Variants in PTGR2 observed in about 807,000 individuals in gnomAD.
PTGR2 encodes the protein 15-oxoprostaglandin 13-reductase.
A neutral mutation model predicts 43.4 loss-of-function variants in PTGR2; 32 were observed. The observed-to-expected ratio is 0.74, with a 90% CI of 0.56 to 0.99. The LOEUF is 0.99. Among genes scored for constraint, PTGR2 ranks in the 50% least tolerant of loss-of-function variants. PTGR2 has a pLI of 0.00. For synonymous variants in PTGR2, 106 were observed against 139.2 expected (o/e 0.76, Z 1.68); for missense variants, 373 against 420.0 (o/e 0.89, Z 0.98).
chr14:73,877,025 C>G lies in PTGR2; in HGVS notation c.376C>G (p.Leu126Val), dbSNP rs1026441527. The G allele has an allele frequency of 8.1e-6, 13 of 1,612,956 alleles. No homozygotes were observed. The highest frequency in any genetic ancestry group is 1.1e-5 in the Non-Finnish European group (13 of 1,179,678). ...KVDPQLVDGHLSYFLGAIGMP... is the reference protein window; with the variant it reads ...KVDPQLVDGHVSYFLGAIGMP... Reference sequence around the variant, plus strand: ...AGACCCACAACTTGTGGATGGACACCTTTCATATTTTCTTGGAGCTATAGG... The same window carrying G: ...AGACCCACAACTTGTGGATGGACACGTTTCATATTTTCTTGGAGCTATAGG... The change falls in exon 5 of 10, where the codon CTT becomes GTT. Residue 126 changes from leucine to valine, a missense_variant. Physicochemically the swap from Leu to Val is conservative, Grantham distance 32. Coordinates refer to ENST00000555661, the MANE Select transcript of PTGR2 (RefSeq NM_001146154.2).
At chr14:73,871,553 C>T (rs909848953) in intron 3 of PTGR2, among the ~76,000 whole-genome samples, 7 of 151,882 alleles carry the variant, frequency 4.6e-5, no homozygotes, top group African/African-American at 1.7e-4. Flanking sequence ...TGATTTATAG[C>T]CAGTTTGTCA....
At chr14:73,854,025 T>G (rs549312046) in intron 1 of PTGR2, among the ~76,000 whole-genome samples, 2 of 152,306 alleles carry the variant, frequency 1.3e-5, no homozygotes, top group East Asian at 3.9e-4. Context: ...TTCTTTCAGA[T>G]CTTGGAACTT....
intron 9 of PTGR2, among the ~76,000 whole-genome samples, chr14:73,882,841 G>C (rs1381777869): frequency 1.8e-5 from 1 of 56,544 alleles, no homozygotes; most frequent in Non-Finnish European, 3.3e-5. Context: ...TTTTTTTTGA[G>C]ACGGAGTCTT....
rs1023092160 is a variant in PTGR2, at chr14:73,885,080, A to C, written c.*903A>C. On this transcript the variant is annotated 3_prime_UTR_variant, in exon 10 of 10. Coordinates refer to ENST00000555661, the MANE Select transcript of PTGR2 (RefSeq NM_001146154.2). The stretch of plus-strand genomic sequence containing the variant: ...AGAGGCGGGCAGATCACTTGAGGTC[A>C]GGAGTTCAAGACCAGCCTGGCCAAC... The C allele has an allele frequency of 6.6e-6, 1 of 152,206 alleles. No individual in the cohort carries two copies. The highest frequency in any genetic ancestry group is 2.4e-5 in the African/African-American group (1 of 41,452). 9.4% of individuals were successfully genotyped at this position (152,206 alleles called of 1,614,324 possible).
rs375140925 is a variant in PTGR2, at chr14:73,879,047, T to C, written c.520-49T>C. 7.5e-6 allele frequency: 11 copies of C among 1,474,082 alleles called. No individual in the cohort carries two copies. In the African/African-American group the frequency reaches 1.1e-4, roughly 15 times the overall value. The allele number at this position is 1,474,082 out of a possible 1,614,324, so 91.3% of individuals were successfully genotyped here. ...TCTTGTATACTGGTACATTTTTACATTTAAATGTGACAATATAAAGCCATT... is the reference window on the plus strand; with the variant it reads ...TCTTGTATACTGGTACATTTTTACACTTAAATGTGACAATATAAAGCCATT... On this transcript the variant is annotated intron_variant, in intron 5 of 9. Coordinates refer to ENST00000555661, the MANE Select transcript of PTGR2 (RefSeq NM_001146154.2).
rs1197110743 is a variant in PTGR2 at position 73,884,219 on chromosome 14, A to G, written c.*42A>G. ...CAAGGCAATCATAGATTTCTTTTCC[A>G]TTTTGCATATTTTCAAAGATATGTT... is the stretch of plus-strand genomic sequence containing the variant. On this transcript the variant is annotated 3_prime_UTR_variant, in exon 10 of 10. Coordinates refer to ENST00000555661, the MANE Select transcript of PTGR2 (RefSeq NM_001146154.2). 3 of 1,240,526 alleles carry G rather than the reference A, an allele frequency of 2.4e-6. No homozygotes were observed. Among genetic ancestry groups the G allele is most frequent in the Non-Finnish European group, 3.5e-6 (3 of 859,420 alleles). 76.8% of individuals were successfully genotyped at this position (1,240,526 alleles called of 1,614,324 possible).
intron 3 of PTGR2, among the ~76,000 whole-genome samples, chr14:73,867,688 C>G (rs2054634378): frequency 6.6e-6 from 1 of 152,172 alleles, no homozygotes; most frequent in African/African-American, 2.4e-5. Context: ...AAAGCACAGT[C>G]TTGAGAATTT....
intron 1 of PTGR2, among the ~76,000 whole-genome samples, chr14:73,857,664 G>GTTTTTTTGTT (rs1706483442): frequency 1.5e-5 from 1 of 64,696 alleles, no homozygotes; most frequent in African/African-American, 6.2e-5. Flanking sequence ...AGCAGTTAGT[G>GTTTTTTTGTT]TTTTTTTTTT....
intron 3 of PTGR2, among the ~76,000 whole-genome samples, chr14:73,863,510 AT>A: frequency 6.6e-6 from 1 of 152,112 alleles, no homozygotes; most frequent in East Asian, 1.9e-4. Flanking sequence ...ACATTTTAAA[AT>A]TGTTTATTTA....
intron 6 of PTGR2, 158 bp from the exon 7 acceptor site, chr14:73,879,897 C>T (rs897159437): frequency 5.1e-6 from 3 of 592,734 alleles, no homozygotes; most frequent in Non-Finnish European, 5.9e-6. Context: ...TTATTTCTAG[C>T]TAGTTAAAAT....
At chr14:73,880,249 T>C (rs554985055) in intron 7 of PTGR2, 73 bp downstream of exon 7, 58 of 1,543,280 alleles carry the variant, frequency 3.8e-5, no homozygotes, top group East Asian at 3.2e-4. Context: ...ATGAAATCTA[T>C]TGTTCTTCAT....
chr14:73,860,718 G>C (rs2054470789), intron 3 of PTGR2, 61 bp downstream of exon 3: 1 of 853,644 alleles, frequency 1.2e-6, no homozygotes, highest in South Asian at 1.5e-5. Context: ...TTTTCATGTT[G>C]TATCTGAATC....
intron 3 of PTGR2, among the ~76,000 whole-genome samples, chr14:73,868,699 C>T (rs2054657925): frequency 2.0e-5 from 3 of 151,922 alleles, no homozygotes; most frequent in Admixed American, 1.3e-4. Flanking sequence ...AGCCCTCTGA[C>T]ATTATTAAAG....
intron 3 of PTGR2, among the ~76,000 whole-genome samples, chr14:73,871,185 G>A (rs1047949108): frequency 3.9e-5 from 6 of 152,052 alleles, no homozygotes; most frequent in Non-Finnish European, 5.9e-5. Context: ...ATATAATGAC[G>A]CCTTCATCAA....
intron 3 of PTGR2, among the ~76,000 whole-genome samples, chr14:73,873,149 A>G (rs1216903084): frequency 6.6e-6 from 1 of 151,508 alleles, no homozygotes; most frequent in East Asian, 2.0e-4. Context: ...CTCTACTAAA[A>G]ATACAAAAGT....
In PTGR2 at chr14:73,880,108, A is replaced by G. The variant is rs753409458; in HGVS notation, c.783A>G (p.Lys261=). ...ILCGQISQYN[K]DVPYPPPLSP... ...GTGGTCAAATTTCTCAGTACAACAA[A>G]GATGTGCCTTATCCTCCCCCGCTAT... Residue 261 remains lysine, a synonymous_variant, in exon 7 of 10, where the codon AAA becomes AAG. Transcript: ENST00000555661. 1 of 1,613,938 alleles carries G rather than the reference A, an allele frequency of 6.2e-7. No individual in the cohort carries two copies. The highest frequency in any genetic ancestry group is 8.5e-7 in the Non-Finnish European group (1 of 1,179,854).
chr14:73,860,233 C>T (rs758558582), intron 2 of PTGR2, among the ~76,000 whole-genome samples: 17 of 151,884 alleles, frequency 1.1e-4, no homozygotes, highest in Non-Finnish European at 1.9e-4. Context: ...TATGGGAGGC[C>T]AAGGTGGGCA....
intron 8 of PTGR2, among the ~76,000 whole-genome samples, chr14:73,881,551 C>T (rs2054987603): frequency 8.2e-6 from 1 of 121,984 alleles, no homozygotes. Flanking sequence ...ATTAGGTTTT[C>T]CCCCAAATGT....
chr14:73,871,127 G>A (rs1432417479), intron 3 of PTGR2, among the ~76,000 whole-genome samples: 7 of 152,158 alleles, frequency 4.6e-5, no homozygotes, highest in Admixed American at 2.6e-4. Flanking sequence ...GACAGCAGGT[G>A]AAGGTTGAGT....
Sources: gnomAD v4.1 joint callset for allele counts (sites outside exome capture counted in the v4.1 genomes callset) on GRCh38, gnomAD v4.1.1 for gene constraint, MANE v1.5 for transcripts, NCBI Gene and HGNC (gene_info 2026-07-23, HGNC 2026-07-21) for gene names.